The following APP variants were observed in gnomAD, a reference collection of about 807,000 sequenced individuals.
APP encodes amyloid beta precursor protein.
In APP, 31 loss-of-function variants were observed where a neutral mutation model predicts 101.4. That is an observed-to-expected ratio of 0.31 (90% confidence interval 0.23 to 0.41). The LOEUF (loss-of-function observed/expected upper bound fraction) is 0.41, where lower values mean the gene tolerates loss of function less well. Ranked by LOEUF, APP falls within the 10% of genes least tolerant of loss-of-function variation. The pLI, the probability that APP is intolerant of heterozygous loss-of-function variation, is 1.00. For synonymous variants in APP, 366 were observed against 364.4 expected (o/e 1.00, Z -0.05); for missense variants, 839 against 1,003.7 (o/e 0.84, Z 2.22).
chr21:26,093,735 A>T (rs902065775), intron 2 of APP, among the ~76,000 whole-genome samples: 1 of 152,206 alleles, frequency 6.6e-6, no homozygotes, highest in Non-Finnish European at 1.5e-5. Flanking sequence ...AATCTAGAAC[A>T]TGCGTGTTAT....
intron 1 of APP, among the ~76,000 whole-genome samples, chr21:26,129,098 T>G (rs2062740802): frequency 6.6e-6 from 1 of 152,056 alleles, no homozygotes; most frequent in African/African-American, 2.4e-5. Context: ...CCTAAAATAT[T>G]TCAGAAGCAA....
intron 16 of APP, among the ~76,000 whole-genome samples, chr21:25,896,330 T>C (rs1284498110): frequency 6.6e-6 from 1 of 152,212 alleles, no homozygotes; most frequent in South Asian, 2.1e-4. Flanking sequence ...AATAATAATT[T>C]GGAGGTGTTT....
At chr21:26,030,367 T>TA (rs757575362) in intron 5 of APP, among the ~76,000 whole-genome samples, 1 of 152,194 alleles carries the variant, frequency 6.6e-6, no homozygotes, top group African/African-American at 2.4e-5. Flanking sequence ...CCAATGGTAC[T>TA]AAAAATTTAT....
chr21:25,927,360 A>C (rs994998191), intron 13 of APP, among the ~76,000 whole-genome samples: 1 of 152,144 alleles, frequency 6.6e-6, no homozygotes, highest in Non-Finnish European at 1.5e-5. Context: ...CACCAACTCT[A>C]AGTCAAATTG....
At chr21:26,160,086 G>T (rs62224881) in intron 1 of APP, among the ~76,000 whole-genome samples, 56,878 of 151,694 alleles carry the variant, frequency 0.37, 11,774 homozygotes, top group African/African-American at 0.57. Context: ...AGACAGAGGT[G>T]GCTTCTACTC....
At chr21:25,929,763 G>A (rs1297239507) in intron 13 of APP, among the ~76,000 whole-genome samples, 1 of 152,152 alleles carries the variant, frequency 6.6e-6, no homozygotes, top group Non-Finnish European at 1.5e-5. Context: ...TCAAATATTA[G>A]TTTTCATGCT....
At chr21:26,140,775 T>TA (rs2063027511) in intron 1 of APP, among the ~76,000 whole-genome samples, 1 of 152,266 alleles carries the variant, frequency 6.6e-6, no homozygotes, top group Non-Finnish European at 1.5e-5. Context: ...GTACTAGTGT[T>TA]AATTCATAGA....
intron 16 of APP, among the ~76,000 whole-genome samples, chr21:25,895,532 T>C (rs930467507): frequency 2.6e-5 from 4 of 152,166 alleles, no homozygotes; most frequent in Non-Finnish European, 4.4e-5. Context: ...ATTTGTTTTA[T>C]TGTGGTGTTC....
intron 1 of APP, among the ~76,000 whole-genome samples, chr21:26,124,645 A>T (rs758614466): frequency 6.6e-6 from 1 of 152,220 alleles, no homozygotes; most frequent in African/African-American, 2.4e-5. Flanking sequence ...CTAACACCTA[A>T]CGTGAATGAC....
chr21:26,021,384 C>T (rs2044330308), intron 6 of APP, among the ~76,000 whole-genome samples: 1 of 152,078 alleles, frequency 6.6e-6, no homozygotes, highest in South Asian at 2.1e-4. Context: ...ATCACAACTA[C>T]TCACTCAACT....
intron 13 of APP, among the ~76,000 whole-genome samples, chr21:25,954,214 C>T (rs908321253): frequency 1.3e-5 from 2 of 152,120 alleles, no homozygotes; most frequent in African/African-American, 2.4e-5. Context: ...ATGGAACAAT[C>T]GTGACACTCA....
chr21:26,104,323 G>GA (rs369030779), intron 2 of APP, among the ~76,000 whole-genome samples: 1 of 151,944 alleles, frequency 6.6e-6, no homozygotes, highest in African/African-American at 2.4e-5. Flanking sequence ...AAAAAGGGGG[G>GA]AAAAATCTCA....
At chr21:26,143,409 T>C (rs1339847006) in intron 1 of APP, among the ~76,000 whole-genome samples, 1 of 152,272 alleles carries the variant, frequency 6.6e-6, no homozygotes, top group Non-Finnish European at 1.5e-5. Flanking sequence ...TCACTTCTTT[T>C]ATTCTTCCCT....
intron 1 of APP, among the ~76,000 whole-genome samples, chr21:26,116,588 T>C (rs1015962732): frequency 1.2e-4 from 19 of 152,182 alleles, no homozygotes; most frequent in Admixed American, 8.5e-4. Flanking sequence ...AAATTCCTTA[T>C]AGAGCAGGCT....
chr21:26,104,212 C>T (rs117845083), intron 2 of APP, among the ~76,000 whole-genome samples: 5 of 82,226 alleles, frequency 6.1e-5, no homozygotes, highest in East Asian at 4.4e-4. Context: ...GTATCATCTC[C>T]GAATACCATC....
chr21:26,080,872 G>A (rs561991350), intron 3 of APP, among the ~76,000 whole-genome samples: 294 of 151,976 alleles, frequency 1.9e-3, no homozygotes, highest in African/African-American at 6.8e-3. Flanking sequence ...CAGTACTGGT[G>A]TTTACCGCTA....
chr21:25,984,545 T>C lies in APP; in HGVS notation c.1091-2068A>G, dbSNP rs188824672. Among the ~76,000 whole-genome samples, 4 of 152,324 alleles carry C rather than the reference T, an allele frequency of 2.6e-5. No individual in the cohort carries two copies. The East Asian group carries it at 7.7e-4, about 29-fold the overall frequency. ...TTCTCCATAGCTTCAAGCAAACCAA[T>C]ATGCAAGTATTTTTAACTTAATCAT... On this transcript the variant is annotated intron_variant, in intron 8 of 17. Transcript: ENST00000346798.
At chr21:25,976,365 G>A (rs937520674) in intron 9 of APP, among the ~76,000 whole-genome samples, 1 of 151,956 alleles carries the variant, frequency 6.6e-6, no homozygotes, top group Non-Finnish European at 1.5e-5. Flanking sequence ...AACTGAACAA[G>A]GTCTTCCAAT....
intron 16 of APP, among the ~76,000 whole-genome samples, chr21:25,897,098 T>A (rs1296110003): frequency 2.6e-5 from 4 of 152,090 alleles, no homozygotes; most frequent in Admixed American, 2.0e-4. Flanking sequence ...TGCCTTGTAG[T>A]CTGAAAGAAC....
Sources: gnomAD v4.1 joint callset for allele counts (sites outside exome capture counted in the v4.1 genomes callset) on GRCh38, gnomAD v4.1.1 for gene constraint, MANE v1.5 for transcripts, NCBI Gene and HGNC (gene_info 2026-07-23, HGNC 2026-07-21) for gene names.